The following SEMA6D variants were observed in gnomAD, a reference collection of about 807,000 sequenced individuals.
The protein encoded by SEMA6D is semaphorin 6D.
In SEMA6D, 35 loss-of-function variants were observed where a neutral mutation model predicts 106.6. The observed-to-expected ratio is 0.33, with a 90% confidence interval of 0.25 to 0.44. SEMA6D has a LOEUF of 0.44. SEMA6D is among the 20% of genes least tolerant of loss of function. The pLI is 1.00. For synonymous variants in SEMA6D, 499 were observed against 487.7 expected (o/e 1.02, Z -0.31); for missense variants, 1,185 against 1,345.9 (o/e 0.88, Z 1.87).
intron 3 of SEMA6D, among the ~76,000 whole-genome samples, chr15:47,494,119 G>A (rs949498816): frequency 1.1e-4 from 16 of 152,044 alleles, no homozygotes; most frequent in African/African-American, 2.4e-4. Context: ...GCTGGTTCAC[G>A]CCTGTCTACA....
chr15:47,274,030 G>T (rs375575455), intron 1 of SEMA6D, among the ~76,000 whole-genome samples: 9 of 152,126 alleles, frequency 5.9e-5, no homozygotes, highest in East Asian at 1.9e-4. Flanking sequence ...GGACCTAAAG[G>T]CTTCAGAGAA....
At chr15:47,186,529 C>CT (rs5812365) in intron 1 of SEMA6D, among the ~76,000 whole-genome samples, 2 of 146,312 alleles carry the variant, frequency 1.4e-5, no homozygotes, top group Admixed American at 6.8e-5. Context: ...ATTCGTACCT[C>CT]TTTTTTTTTT....
At chr15:47,574,858 A>G (rs948659989) in intron 3 of SEMA6D, among the ~76,000 whole-genome samples, 35 of 152,306 alleles carry the variant, frequency 2.3e-4, no homozygotes, top group Middle Eastern at 3.4e-3. Flanking sequence ...AGAATAATCA[A>G]TACTCCTAAA....
At chr15:47,189,221 C>G (rs1566914397) in intron 1 of SEMA6D, among the ~76,000 whole-genome samples, 1 of 152,118 alleles carries the variant, frequency 6.6e-6, no homozygotes, top group Non-Finnish European at 1.5e-5. Flanking sequence ...TGGCTTTCCC[C>G]TTGCTACCCT....
intron 1 of SEMA6D, among the ~76,000 whole-genome samples, chr15:47,256,552 C>G (rs1451523324): frequency 6.6e-6 from 1 of 152,074 alleles, no homozygotes; most frequent in Non-Finnish European, 1.5e-5. Flanking sequence ...TATTTTGTGA[C>G]CTTACTGAAA....
chr15:47,759,377 G>T (rs117005060), intron 1 of SEMA6D, among the ~76,000 whole-genome samples: 2 of 152,100 alleles, frequency 1.3e-5, no homozygotes, highest in Non-Finnish European at 2.9e-5. Context: ...TTTCAGGACT[G>T]GGGGAAGGGA....
At chr15:47,267,323 A>G (rs912530607) in intron 1 of SEMA6D, among the ~76,000 whole-genome samples, 5 of 150,634 alleles carry the variant, frequency 3.3e-5, no homozygotes, top group Admixed American at 2.6e-4. Flanking sequence ...TTCTCTTTCT[A>G]CTTGGAAGTA....
At chr15:47,765,123 T>G in intron 13 of SEMA6D, 67 bp downstream of exon 13, 1 of 1,571,804 alleles carries the variant, frequency 6.4e-7, no homozygotes, top group Non-Finnish European at 8.6e-7. Flanking sequence ...TTTCATCTAG[T>G]CATGTCCTTT....
intron 4 of SEMA6D, among the ~76,000 whole-genome samples, chr15:47,608,415 T>TC (rs1186186631): frequency 6.6e-6 from 1 of 152,192 alleles, no homozygotes. Context: ...ATGAGCTTCC[T>TC]CCTTACCTGT....
chr15:47,255,828 A>T (rs1324948345), intron 1 of SEMA6D, among the ~76,000 whole-genome samples: 1 of 152,204 alleles, frequency 6.6e-6, no homozygotes, highest in Non-Finnish European at 1.5e-5. Context: ...TTTGTTTTAC[A>T]TACATGTCTG....
At chr15:47,186,465 TTC>T (rs1203022125) in intron 1 of SEMA6D, among the ~76,000 whole-genome samples, 1 of 151,978 alleles carries the variant, frequency 6.6e-6, no homozygotes, top group Non-Finnish European at 1.5e-5. Context: ...ATTTATTGTG[TTC>T]TCTCTCTCTC....
chr15:47,557,110 C>T (rs111755485), intron 3 of SEMA6D, among the ~76,000 whole-genome samples: 7 of 152,098 alleles, frequency 4.6e-5, no homozygotes, highest in Non-Finnish European at 8.8e-5. Flanking sequence ...ATAGTACCCT[C>T]GGAGACTACA....
intron 1 of SEMA6D, among the ~76,000 whole-genome samples, chr15:47,187,455 A>G (rs1298917496): frequency 6.6e-6 from 1 of 152,190 alleles, no homozygotes; most frequent in Non-Finnish European, 1.5e-5. Flanking sequence ...TCTTTTTGCA[A>G]GTGCTTTAAT....
At chr15:47,409,732 A>G (rs2433019) in intron 1 of SEMA6D, among the ~76,000 whole-genome samples, 92,260 of 151,874 alleles carry the variant, frequency 0.61, 28,554 homozygotes, top group Middle Eastern at 0.71. Flanking sequence ...GCTAAGGTTA[A>G]GACCAGTATC....
chr15:47,577,467 A>G (rs1333970334), intron 3 of SEMA6D, among the ~76,000 whole-genome samples: 1 of 152,248 alleles, frequency 6.6e-6, no homozygotes, highest in Non-Finnish European at 1.5e-5. Context: ...ATAATTTGCA[A>G]GTGATGGGAG....
chr15:47,453,639 A>T (rs1350771939), intron 2 of SEMA6D, among the ~76,000 whole-genome samples: 18 of 151,984 alleles, frequency 1.2e-4, no homozygotes, highest in Admixed American at 1.2e-3. Flanking sequence ...TCCATGAACT[A>T]AAACCAATAG....
At chr15:47,706,752 G>A (rs150790522) in intron 4 of SEMA6D, among the ~76,000 whole-genome samples, 315 of 151,156 alleles carry the variant, frequency 2.1e-3, no homozygotes, top group African/African-American at 7.4e-3. Flanking sequence ...CTAGATATTA[G>A]GAGAACACTA....
intron 1 of SEMA6D, among the ~76,000 whole-genome samples, chr15:47,348,718 C>CACACCA (rs1379277513): frequency 1.0e-4 from 5 of 48,010 alleles, no homozygotes; most frequent in Non-Finnish European, 2.5e-4. Context: ...CACACACACA[C>CACACCA]CACACACACA....
intron 1 of SEMA6D, among the ~76,000 whole-genome samples, chr15:47,212,449 G>A (rs1178114485): frequency 3.3e-5 from 5 of 152,178 alleles, no homozygotes; most frequent in Admixed American, 2.0e-4. Flanking sequence ...GAAATTTGGC[G>A]AGTGGGTGAT....
Sources: allele counts gnomAD v4.1 joint callset (sites outside exome capture counted in the v4.1 genomes callset), GRCh38; gene constraint gnomAD v4.1.1; transcripts MANE v1.5; gene names NCBI Gene and HGNC (gene_info 2026-07-23, HGNC 2026-07-21).